The following HPSE2 variants were observed in gnomAD, a reference collection of about 807,000 sequenced individuals.
HPSE2 encodes the protein heparanase 2 (inactive), also known as inactive heparanase-2.
A neutral mutation model predicts 60.5 loss-of-function variants in HPSE2; 38 were observed. The ratio of observed to expected loss-of-function variants is 0.63; its 90% CI spans 0.48 to 0.82. The LOEUF (loss-of-function observed/expected upper bound fraction) is 0.82. Among genes scored for constraint, HPSE2 ranks in the 40% least tolerant of loss-of-function variants. HPSE2 has a pLI of 0.00. For synonymous variants in HPSE2, 295 were observed against 293.2 expected, an observed-to-expected ratio of 1.01 and a Z score of -0.06; for missense variants, 713 against 740.4, an observed-to-expected ratio of 0.96 and a Z score of 0.43.
chr10:98,888,135 A>ACACAC (rs1953221901), intron 3 of HPSE2, among the ~76,000 whole-genome samples: 10 of 140,806 alleles, frequency 7.1e-5, no homozygotes, highest in African/African-American at 2.3e-4. Context: ...TTTTAAAACA[A>ACACAC]ACACACACAC....
chr10:98,566,887 A>C (rs1427272359), intron 9 of HPSE2, among the ~76,000 whole-genome samples: 1 of 152,200 alleles, frequency 6.6e-6, no homozygotes, highest in African/African-American at 2.4e-5. Context: ...AGAATTATAG[A>C]AGGTCAAATT....
At chr10:99,130,224 A>T (rs947878517) in intron 3 of HPSE2, among the ~76,000 whole-genome samples, 2 of 152,170 alleles carry the variant, frequency 1.3e-5, no homozygotes, top group African/African-American at 4.8e-5. Flanking sequence ...TAGCAATCCT[A>T]CTGACACTAT....
chr10:98,961,049 T>C (rs1265285201), intron 3 of HPSE2, among the ~76,000 whole-genome samples: 1 of 52,258 alleles, frequency 1.9e-5, no homozygotes, highest in Non-Finnish European at 3.6e-5. Context: ...ATTTCATCCA[T>C]GTCCCTACAA....
At chr10:98,663,623 G>A (rs1020774556) in intron 6 of HPSE2, among the ~76,000 whole-genome samples, 1 of 152,140 alleles carries the variant, frequency 6.6e-6, no homozygotes, top group Non-Finnish European at 1.5e-5. Context: ...CTAATATGGG[G>A]AAAGAATGAG....
chr10:99,191,244 C>A (rs1460012054), intron 2 of HPSE2, among the ~76,000 whole-genome samples: 2 of 151,968 alleles, frequency 1.3e-5, no homozygotes, highest in Non-Finnish European at 1.5e-5. Flanking sequence ...CTGGCTTCAC[C>A]ACTGCTGACT....
intron 9 of HPSE2, among the ~76,000 whole-genome samples, chr10:98,555,191 C>A (rs1943970648): frequency 6.6e-6 from 1 of 152,162 alleles, no homozygotes; most frequent in Non-Finnish European, 1.5e-5. Flanking sequence ...CCCTCTTGAG[C>A]CATTTAACAA....
chr10:98,633,752 A>G (rs1355326313), intron 7 of HPSE2, among the ~76,000 whole-genome samples: 2 of 151,878 alleles, frequency 1.3e-5, no homozygotes, highest in Non-Finnish European at 1.5e-5. Flanking sequence ...AGCGCCTCTA[A>G]CCCTCATGTT....
intron 6 of HPSE2, among the ~76,000 whole-genome samples, chr10:98,669,099 G>A (rs1331897876): frequency 1.3e-5 from 2 of 151,574 alleles, no homozygotes; most frequent in Admixed American, 1.3e-4. Flanking sequence ...CTTATCAAAA[G>A]AAGATGTACA....
chr10:98,817,622 C>T (rs1257533532), intron 3 of HPSE2, among the ~76,000 whole-genome samples: 1 of 152,172 alleles, frequency 6.6e-6, no homozygotes, highest in African/African-American at 2.4e-5. Context: ...CTAACTCTCA[C>T]TCTCCTATTT....
At chr10:98,488,131 T>A (rs1941506890) in intron 10 of HPSE2, among the ~76,000 whole-genome samples, 1 of 152,178 alleles carries the variant, frequency 6.6e-6, no homozygotes, top group Non-Finnish European at 1.5e-5. Flanking sequence ...CTGGAGTGAC[T>A]TTGCATAGAA....
the HPSE2 span, among the ~76,000 whole-genome samples, chr10:99,247,699 GA>G: frequency 2.0e-5 from 3 of 152,202 alleles, no homozygotes; most frequent in African/African-American, 7.2e-5. Flanking sequence ...AAGAGTTGGT[GA>G]TATGGTTTGG....
intron 3 of HPSE2, among the ~76,000 whole-genome samples, chr10:98,937,127 G>C (rs1954823044): frequency 6.3e-5 from 9 of 143,588 alleles, no homozygotes. Flanking sequence ...AGTAGGAACA[G>C]CTCTGGTCTA....
At position 98,894,712 on chromosome 10, in the gene HPSE2, C is replaced by T. The variant is rs566177078; in HGVS notation, c.611-150656G>A. Among the ~76,000 whole-genome samples the T allele has an allele frequency of 8.6e-4, 130 of 151,610 alleles. 1 individual carries two copies. Among genetic ancestry groups the T allele is most frequent in the South Asian group, 1.7e-3 (8 of 4,810 alleles). On this transcript the variant is annotated intron_variant, in intron 3 of 11. Transcript: ENST00000370552. ...AATAATGAACAATCAGGGTAGGAGA[C>T]AATATTTAAAAGATATAACTAAGAA... is the stretch of plus-strand genomic sequence containing the variant.
At chr10:98,767,995 ATATAG>A (rs1950162702) in intron 3 of HPSE2, among the ~76,000 whole-genome samples, 1 of 150,894 alleles carries the variant, frequency 6.6e-6, no homozygotes, top group Non-Finnish European at 1.5e-5. Flanking sequence ...CTATCTGTTT[ATATAG>A]TATAAGTAAA....
intron 9 of HPSE2, among the ~76,000 whole-genome samples, chr10:98,582,247 CA>C (rs1944820266): frequency 6.6e-6 from 1 of 152,102 alleles, no homozygotes; most frequent in African/African-American, 2.4e-5. Flanking sequence ...TTCTGTTGGA[CA>C]AATGCAAGTT....
chr10:98,872,162 A>G (rs2075969872), intron 3 of HPSE2, among the ~76,000 whole-genome samples: 1 of 152,072 alleles, frequency 6.6e-6, no homozygotes, highest in South Asian at 2.1e-4. Context: ...GCCTGGATGA[A>G]AAGGAAGGAC....
rs1443457519 is a variant in HPSE2 at position 98,524,982 on chromosome 10, C to A, written c.1321-34786G>T. 4.6e-5 allele frequency among the ~76,000 whole-genome samples: 7 copies of A among 152,128 alleles called. No homozygotes were observed. In the East Asian group the frequency reaches 1.2e-3, roughly 25 times the overall value. On this transcript the variant is annotated intron_variant, in intron 9 of 11. Coordinates refer to ENST00000370552, the MANE Select transcript of HPSE2 (RefSeq NM_021828.5). ...TCAGGAGAGAGACTGGAAGAAAAGACAAAGCTTTACATTTTGGGACCTTTA... is the reference window on the plus strand; with the variant it reads ...TCAGGAGAGAGACTGGAAGAAAAGAAAAAGCTTTACATTTTGGGACCTTTA...
intron 9 of HPSE2, among the ~76,000 whole-genome samples, chr10:98,609,637 T>G (rs1389184665): frequency 1.3e-5 from 2 of 152,134 alleles, no homozygotes; most frequent in African/African-American, 4.8e-5. Flanking sequence ...TTATACCTAA[T>G]TTGCTCAAAG....
intron 3 of HPSE2, among the ~76,000 whole-genome samples, chr10:99,099,410 G>C (rs548905373): frequency 6.6e-6 from 1 of 152,348 alleles, no homozygotes; most frequent in East Asian, 1.9e-4. Flanking sequence ...ACAGTAGTCT[G>C]AGATCAAACT....
Sources: gnomAD v4.1 joint callset for allele counts (sites outside exome capture counted in the v4.1 genomes callset) on GRCh38, gnomAD v4.1.1 for gene constraint, MANE v1.5 for transcripts, NCBI Gene and HGNC (gene_info 2026-07-23, HGNC 2026-07-21) for gene names.